The following EIF3B variants were observed in gnomAD, a reference collection of about 807,000 sequenced individuals.
EIF3B encodes the protein eukaryotic translation initiation factor 3 subunit 9.
In EIF3B, 10 loss-of-function variants were observed where a neutral mutation model predicts 104.6. That is an observed-to-expected ratio of 0.10 (90% CI 0.06 to 0.16). The LOEUF is 0.16. Among genes scored for constraint, EIF3B ranks in the 10% least tolerant of loss-of-function variants. The pLI, the probability that EIF3B is intolerant of heterozygous loss-of-function variation, is 1.00. For missense variants in EIF3B, 1,014 were observed against 1,087.9 expected (o/e 0.93, Z 0.96); for synonymous variants, 542 against 417.2 (o/e 1.30, Z -3.65).
At chr7:2,374,938 T>C (rs1271431491) in intron 13 of EIF3B, 2 of 304,232 alleles carry the variant, frequency 6.6e-6, no homozygotes, top group South Asian at 7.8e-5. Flanking sequence ...CCTTGTCTTC[T>C]AGTGGGAAGG....
Position 2,366,460 on chromosome 7 carries a change from A to G in EIF3B, c.1289+12A>G. The G allele has an allele frequency of 1.2e-6, 2 of 1,614,068 alleles. No homozygotes were observed. The highest frequency in any genetic ancestry group is 8.5e-7 in the Non-Finnish European group (1 of 1,179,984). On this transcript the variant is annotated intron_variant, in intron 7 of 18. Coordinates refer to ENST00000360876, the MANE Select transcript of EIF3B (RefSeq NM_001037283.2). ...TGGCCTATTTTTAAGTAAGTGGACC[A>G]TTGTAACGAGCTCTGTAGCCTTTGT... is the stretch of plus-strand genomic sequence containing the variant.
chr7:2,377,357 A>G (rs1181627146), intron 15 of EIF3B, among the ~76,000 whole-genome samples: 1 of 152,222 alleles, frequency 6.6e-6, no homozygotes, highest in Non-Finnish European at 1.5e-5. Flanking sequence ...TGGGATTAGA[A>G]GCGGCTTGTC....
rs752369523 is a variant in EIF3B at position 2,362,776 on chromosome 7, C to T, written c.812+12C>T. 2.5e-6 allele frequency: 4 copies of T among 1,613,950 alleles called. No individual in the cohort carries two copies. Among genetic ancestry groups the T allele is most frequent in the Non-Finnish European group, 3.4e-6 (4 of 1,180,028 alleles). On this transcript the variant is annotated intron_variant, in intron 3 of 18. Transcript: ENST00000360876. ...ACGGATTTTGACAAGTGAGTTCAGACTTGGCCACAAGGAAGTGGACGTTGA... is the reference window on the plus strand; with the variant it reads ...ACGGATTTTGACAAGTGAGTTCAGATTTGGCCACAAGGAAGTGGACGTTGA...
chr7:2,367,218 G>A, intron 9 of EIF3B, 173 bp downstream of exon 9: 1 of 598,170 alleles, frequency 1.7e-6, no homozygotes, highest in South Asian at 2.3e-5. Context: ...AGACTGTCTG[G>A]TGACGGCCCA....
In EIF3B at chr7:2,375,741, G is replaced by A. The variant is rs180966488; in HGVS notation, c.2028+214G>A. ...AGGAGCAGCCCCTGCTCATGGTTGC[G>A]GGGAGGTGGGGGGTCTTACCCTGGG... On this transcript the variant is annotated intron_variant, in intron 14 of 18. Transcript: ENST00000360876. Among the ~76,000 whole-genome samples the A allele has an allele frequency of 9.8e-5, 15 of 152,318 alleles. No individual in the cohort carries two copies. In the East Asian group the frequency reaches 2.3e-3, roughly 24 times the overall value.
At position 2,369,581 on chromosome 7, in the gene EIF3B, C is replaced by G; in HGVS notation, c.1513C>G (p.Arg505Gly). Residue 505 changes from arginine to glycine, a missense_variant, in exon 10 of 19, where the codon CGA becomes GGA. Physicochemically the swap from Arg to Gly is moderately radical, Grantham distance 125. This residue lies in a region of EIF3B where 59 missense variants were observed against 118.8 expected (regional missense o/e 0.50). Coordinates refer to ENST00000360876, the MANE Select transcript of EIF3B (RefSeq NM_001037283.2). ...LMQLPTRQEI[R>G]VRNLFNVVDC... ...GCAGCTCCCTACCAGGCAAGAGATC[C>G]GAGTGAGGAACCTGTTCAATGTGGT... 6.2e-7 allele frequency: 1 copy of G among 1,614,000 alleles called. No homozygotes were observed. The highest frequency in any genetic ancestry group is 8.5e-7 in the Non-Finnish European group (1 of 1,180,016).
rs1416306695 is a variant in EIF3B at position 2,354,937 on chromosome 7, A to C, written c.16A>C (p.Asn6His). The change falls in exon 1 of 19, where the codon AAC becomes CAC. Residue 6 changes from asparagine to histidine, a missense_variant. Coordinates refer to ENST00000360876, the MANE Select transcript of EIF3B (RefSeq NM_001037283.2). MQDAE[N>H]VAVPEAAEER... ...CGTTGGGCCCATGCAGGACGCGGAGAACGTGGCGGTGCCCGAGGCGGCCGA... is the reference window on the plus strand; with the variant it reads ...CGTTGGGCCCATGCAGGACGCGGAGCACGTGGCGGTGCCCGAGGCGGCCGA... The C allele has an allele frequency of 8.1e-7, 1 of 1,228,854 alleles. No homozygotes were observed. The highest frequency in any genetic ancestry group is 1.0e-6 in the Non-Finnish European group (1 of 977,786). The allele number at this position is 1,228,854 out of a possible 1,614,324, so 76.1% of individuals were successfully genotyped here.
At chr7:2,377,489 C>T (rs1481425691) in intron 15 of EIF3B, among the ~76,000 whole-genome samples, 12 of 140,322 alleles carry the variant, frequency 8.6e-5, no homozygotes, top group South Asian at 2.2e-4. Context: ...CAGGCACGAG[C>T]GCTCCTGGGA....
In EIF3B at chr7:2,366,594, A is replaced by G. The variant is rs764924085; in HGVS notation, c.1356+3A>G. ...CGCTTAGCATCTATGAAACTCCTGTAAGTGGCCTCAGTGATGGCAAACGCC... is the reference window on the plus strand; with the variant it reads ...CGCTTAGCATCTATGAAACTCCTGTGAGTGGCCTCAGTGATGGCAAACGCC... On this transcript the variant is annotated splice_donor_region_variant and intron_variant, in intron 8 of 18. Coordinates refer to ENST00000360876, the MANE Select transcript of EIF3B (RefSeq NM_001037283.2). 3 of 1,614,190 alleles carry G rather than the reference A, an allele frequency of 1.9e-6. No individual in the cohort carries two copies. The highest frequency in any genetic ancestry group is 1.1e-5 in the South Asian group (1 of 91,082).
chr7:2,366,334 G>C lies in EIF3B; in HGVS notation c.1175G>C (p.Ser392Thr), dbSNP rs1780026202. Residue 392 changes from serine (S) to threonine (T), a missense_variant, in exon 7 of 19, where the codon AGC (serine) becomes ACC (threonine). Physicochemically the swap from Ser to Thr is moderately conservative, Grantham distance 58 (BLOSUM62 1). Transcript: ENST00000360876. ...TCTTCTAGGTACCTGGTGACCTTTAGCCCCCTGATGGACACGCAGGATGAC... is the reference window on the plus strand; with the variant it reads ...TCTTCTAGGTACCTGGTGACCTTTACCCCCCTGATGGACACGCAGGATGAC... ...SPCERYLVTF[S>T]PLMDTQDDPQ... is the part of the protein sequence containing the mutation. 6.2e-7 allele frequency: 1 copy of C among 1,610,624 alleles called. No individual in the cohort carries two copies. Among genetic ancestry groups the C allele is most frequent in the East Asian group, 2.2e-5 (1 of 44,862 alleles).
chr7:2,378,468 ACC>A, intron 15 of EIF3B: 20 of 212,118 alleles, frequency 9.4e-5, no homozygotes, highest in South Asian at 1.3e-4. Context: ...TGTGTGAATG[ACC>A]CTGGGTGTCA....
In EIF3B at chr7:2,370,681, G is replaced by A. The variant is rs987086891; in HGVS notation, c.1614+999G>A. On this transcript the variant is annotated intron_variant, in intron 10 of 18. Coordinates refer to ENST00000360876, the MANE Select transcript of EIF3B (RefSeq NM_001037283.2). ...CAGAACGTTTTCATCGGCTGGGTGCGGTGGCTCCCCCGGGGTGGGAGGGAG... is the reference window on the plus strand; with the variant it reads ...CAGAACGTTTTCATCGGCTGGGTGCAGTGGCTCCCCCGGGGTGGGAGGGAG... Among the ~76,000 whole-genome samples the A allele has an allele frequency of 2.0e-5, 3 of 152,188 alleles. No individual in the cohort carries two copies. The East Asian group carries it at 5.8e-4, about 29-fold the overall frequency.
chr7:2,354,552 A>G (rs552100448), upstream of EIF3B, among the ~76,000 whole-genome samples: 20 of 152,162 alleles, frequency 1.3e-4, no homozygotes, highest in South Asian at 3.7e-3. Flanking sequence ...CCCGCCCCGC[A>G]GCGTCCGACG....
chr7:2,355,621 T>A (rs1413059647), intron 1 of EIF3B, among the ~76,000 whole-genome samples: 2 of 151,666 alleles, frequency 1.3e-5, no homozygotes, highest in African/African-American at 4.9e-5. Flanking sequence ...CCCTTTTCTT[T>A]CCTGAAAAAG....
rs1548595 is a variant in EIF3B, at chr7:2,372,858, C to T, written c.1810+63C>T. The T allele has an allele frequency of 0.22, 349,140 of 1,566,246 alleles. 42,528 individuals are homozygous for T. The highest frequency in any genetic ancestry group is 0.51 in the African/African-American group (37,727 of 74,038). ...AGCACAGATGATGACCCAGTCGCTGCCCAACAGTGAGCATTTGACTGGCCT... is the reference window on the plus strand; with the variant it reads ...AGCACAGATGATGACCCAGTCGCTGTCCAACAGTGAGCATTTGACTGGCCT... On this transcript the variant is annotated intron_variant, in intron 12 of 18. Coordinates refer to ENST00000360876, the MANE Select transcript of EIF3B (RefSeq NM_001037283.2).
chr7:2,371,560 G>C (rs1349266642), intron 10 of EIF3B, among the ~76,000 whole-genome samples: 6 of 152,202 alleles, frequency 3.9e-5, no homozygotes, highest in African/African-American at 1.4e-4. Flanking sequence ...GTTACTTCAT[G>C]CATGTCCAGT....
rs1170784121 is a variant in EIF3B, at chr7:2,380,360, T to C, written c.*171T>C. 1.9e-6 allele frequency: 1 copy of C among 518,910 alleles called. No individual in the cohort carries two copies. Among genetic ancestry groups the C allele is most frequent in the South Asian group, 1.4e-5 (1 of 71,562 alleles). The allele number at this position is 518,910 out of a possible 1,614,324, so 32.1% of individuals were successfully genotyped here. ...GCCTCCTCCCTGTGCTCTCTGGCTCTGGACTGTGACTGCGCCTGGATTCTG... is the reference window on the plus strand; with the variant it reads ...GCCTCCTCCCTGTGCTCTCTGGCTCCGGACTGTGACTGCGCCTGGATTCTG... On this transcript the variant is annotated 3_prime_UTR_variant, in exon 19 of 19. Transcript: ENST00000360876.
At position 2,367,036 on chromosome 7, in the gene EIF3B, C is replaced by G. The variant is rs1378498176; in HGVS notation, c.1394C>G (p.Ser465Cys). Residue 465 changes from serine to cysteine, a missense_variant, in exon 9 of 19, where the codon TCT becomes TGT. Coordinates refer to ENST00000360876, the MANE Select transcript of EIF3B (RefSeq NM_001037283.2). Reference sequence around the variant, plus strand: ...TTGGACAAGAAGAGTTTGAAGATCTCTGGGATAAAGTGAGTATTCTTATCA... The same window carrying G: ...TTGGACAAGAAGAGTTTGAAGATCTGTGGGATAAAGTGAGTATTCTTATCA... ...GLLDKKSLKISGIKDFSWSPG... is the reference protein window; with the variant it reads ...GLLDKKSLKICGIKDFSWSPG... 3.7e-6 allele frequency: 6 copies of G among 1,611,326 alleles called. No individual in the cohort carries two copies. In the East Asian group the frequency reaches 6.7e-5, roughly 18 times the overall value.
chr7:2,356,863 T>C (rs1779474722), intron 1 of EIF3B, among the ~76,000 whole-genome samples: 1 of 152,068 alleles, frequency 6.6e-6, no homozygotes, highest in Non-Finnish European at 1.5e-5. Flanking sequence ...CTTTTTTTTT[T>C]CATAAAAGAC....
Sources: allele counts gnomAD v4.1 joint callset (sites outside exome capture counted in the v4.1 genomes callset), GRCh38; gene constraint gnomAD v4.1.1; regional missense constraint gnomAD v4.1.1; transcripts MANE v1.5; gene names NCBI Gene and HGNC (gene_info 2026-07-23, HGNC 2026-07-21).